Variants in SVOP observed in about 807,000 individuals in gnomAD.
The protein encoded by SVOP is SV2 related protein.
Under a neutral mutation model 69.1 loss-of-function variants are expected in SVOP, and 17 were observed. That is an observed-to-expected ratio of 0.25 (90% CI 0.17 to 0.37). The LOEUF is 0.37. Among genes scored for constraint, SVOP ranks in the 10% least tolerant of loss-of-function variants. The pLI, the probability that SVOP is intolerant of heterozygous loss-of-function variation, is 1.00. For missense variants in SVOP, 435 were observed against 597.5 expected, an observed-to-expected ratio of 0.73 and a Z score of 2.84; for synonymous variants, 238 against 238.6, an observed-to-expected ratio of 1.00 and a Z score of 0.02.
chr12:109,007,956 T>C (rs1397932167), intron 1 of SVOP, among the ~76,000 whole-genome samples: 1 of 152,130 alleles, frequency 6.6e-6, no homozygotes, highest in African/African-American at 2.4e-5. Context: ...AAGGATCATT[T>C]GAACCCAAGA....
chr12:108,914,339 T>C (rs1053345759), intron 15 of SVOP, among the ~76,000 whole-genome samples: 3 of 152,184 alleles, frequency 2.0e-5, no homozygotes, highest in African/African-American at 7.2e-5. Flanking sequence ...CCCTTTAAGA[T>C]GGTTAATTTT....
chr12:108,949,194 TC>T (rs1461108220), intron 6 of SVOP, among the ~76,000 whole-genome samples: 1 of 152,236 alleles, frequency 6.6e-6, no homozygotes, highest in East Asian at 1.9e-4. Context: ...TGATGATTCT[TC>T]CTCTCCCTAT....
chr12:108,988,488 C>T (rs2040178845), intron 1 of SVOP, among the ~76,000 whole-genome samples: 1 of 152,090 alleles, frequency 6.6e-6, no homozygotes, highest in Admixed American at 6.6e-5. Flanking sequence ...CTGTCCTTTC[C>T]CCTACTGAGT....
intron 1 of SVOP, among the ~76,000 whole-genome samples, chr12:109,012,748 C>T (rs1255587909): frequency 2.0e-5 from 3 of 151,926 alleles, no homozygotes; most frequent in Non-Finnish European, 2.9e-5. Context: ...GACAACATAG[C>T]GAAACCCCGT....
intron 1 of SVOP, among the ~76,000 whole-genome samples, chr12:108,991,050 G>A (rs1022204769): frequency 6.6e-6 from 1 of 152,176 alleles, no homozygotes; most frequent in Non-Finnish European, 1.5e-5. Flanking sequence ...TGAGCCCCGA[G>A]GAGTCTCCAC....
At chr12:108,960,848 A>T in intron 6 of SVOP, 75 bp downstream of exon 6, 1 of 1,493,328 alleles carries the variant, frequency 6.7e-7, no homozygotes, top group Non-Finnish European at 8.9e-7. Context: ...TCAGCCCCTA[A>T]CTCCTGATCC....
chr12:108,927,450 A>G (rs2039787073), intron 11 of SVOP, among the ~76,000 whole-genome samples: 1 of 152,018 alleles, frequency 6.6e-6, no homozygotes, highest in Non-Finnish European at 1.5e-5. Flanking sequence ...CTCATCTATC[A>G]CCTTGTAATA....
chr12:108,972,948 A>C (rs1245643881), intron 4 of SVOP, among the ~76,000 whole-genome samples: 1 of 152,202 alleles, frequency 6.6e-6, no homozygotes, highest in East Asian at 1.9e-4. Context: ...AGGCCAAGTC[A>C]TTGTTACATT....
chr12:108,954,125 A>C (rs2039972935), intron 6 of SVOP, among the ~76,000 whole-genome samples: 1 of 151,546 alleles, frequency 6.6e-6, no homozygotes, highest in Non-Finnish European at 1.5e-5. Context: ...AAAAAAAAAA[A>C]AAAAAAAAAA....
At chr12:108,957,174 T>C (rs2039990131) in intron 6 of SVOP, among the ~76,000 whole-genome samples, 1 of 152,056 alleles carries the variant, frequency 6.6e-6, no homozygotes, top group Admixed American at 6.6e-5. Flanking sequence ...CAGTAGAATG[T>C]CTTTTTTGAG....
chr12:108,923,914 G>A (rs1197033973), intron 11 of SVOP, among the ~76,000 whole-genome samples: 1 of 152,092 alleles, frequency 6.6e-6, no homozygotes, highest in Admixed American at 6.5e-5. Context: ...CTCAAACTAT[G>A]GGACTAATCT....
intron 1 of SVOP, among the ~76,000 whole-genome samples, chr12:109,003,453 C>T (rs183431017): frequency 7.6e-4 from 115 of 152,272 alleles, no homozygotes; most frequent in Non-Finnish European, 1.4e-3. Flanking sequence ...CGGTTGTGAG[C>T]ATTAACTGAG....
intron 12 of SVOP, among the ~76,000 whole-genome samples, chr12:108,920,963 A>T (rs1436107250): frequency 6.6e-6 from 1 of 152,184 alleles, no homozygotes; most frequent in Non-Finnish European, 1.5e-5. Flanking sequence ...CTATTAATTT[A>T]TCAAATAGCA....
rs1167358482 is a variant in SVOP at position 108,934,249 on chromosome 12, A to C, written c.994T>G (p.Tyr332Asp). Residue 332 changes from tyrosine (Y) to aspartate (D), a missense_variant, in exon 11 of 16, where the codon TAC (tyrosine) becomes GAC (aspartate). Transcript: ENST00000610966. The stretch of plus-strand genomic sequence containing the variant: ...TCTGTGGTGAGTAGAACTAACCCGT[A>C]GTAAGAGAATGCATTGGAAAACCTG... The part of the protein sequence containing the change: ...FIWFSNAFSY[Y>D]GLVLLTTELF... The C allele has an allele frequency of 6.2e-7, 1 of 1,605,930 alleles. No individual in the cohort carries two copies. Among genetic ancestry groups the C allele is most frequent in the Non-Finnish European group, 8.5e-7 (1 of 1,176,280 alleles).
At chr12:109,008,518 T>C (rs1299963400) in intron 1 of SVOP, among the ~76,000 whole-genome samples, 1 of 152,214 alleles carries the variant, frequency 6.6e-6, no homozygotes, top group Non-Finnish European at 1.5e-5. Context: ...CCCGTCAACC[T>C]GAATAGCAAT....
intron 1 of SVOP, among the ~76,000 whole-genome samples, chr12:108,990,497 C>T (rs150349749): frequency 0.9 from 125,119 of 139,582 alleles, 56,876 homozygotes; most frequent in Non-Finnish European, 0.99. Flanking sequence ...CATCACACAC[C>T]GGGACCTGTC....
chr12:108,961,023 T>C lies in SVOP; in HGVS notation c.478A>G (p.Thr160Ala). 3 of 1,536,310 alleles carry C rather than the reference T, an allele frequency of 2.0e-6. No homozygotes were observed. The highest frequency in any genetic ancestry group is 2.6e-6 in the Non-Finnish European group (3 of 1,146,390). ...GCACTAAGGATGCCATAGTACAGAGTCCACAGCACGCTGATCTTCAGCCCC... is the reference window on the plus strand; with the variant it reads ...GCACTAAGGATGCCATAGTACAGAGCCCACAGCACGCTGATCTTCAGCCCC... ...KTGLKISVLW[T>A]LYYGILSAFA... Residue 160 changes from threonine (T) to alanine (A), a missense_variant, in exon 6 of 16, where the codon ACT (threonine) becomes GCT (alanine). By Grantham distance (58) the Thr-to-Ala change is moderately conservative. Coordinates refer to ENST00000610966, the MANE Select transcript of SVOP (RefSeq NM_018711.5).
chr12:108,915,006 C>T (rs888238280), intron 15 of SVOP, among the ~76,000 whole-genome samples: 18 of 151,392 alleles, frequency 1.2e-4, no homozygotes, highest in Non-Finnish European at 1.9e-4. Flanking sequence ...AACCTTGTCT[C>T]TACTAAAAAT....
chr12:108,922,657 C>T (rs903032511), intron 12 of SVOP, 33 bp downstream of exon 12: 5 of 1,523,360 alleles, frequency 3.3e-6, no homozygotes, highest in Non-Finnish European at 4.5e-6. Flanking sequence ...CCAGGCTTGC[C>T]TGACACAGCT....
Sources: gnomAD v4.1 joint callset for allele counts (sites outside exome capture counted in the v4.1 genomes callset) on GRCh38, gnomAD v4.1.1 for gene constraint, MANE v1.5 for transcripts, NCBI Gene and HGNC (gene_info 2026-07-23, HGNC 2026-07-21) for gene names.